WDR37: variants seen among roughly 807,000 people sequenced by gnomAD.
The protein encoded by WDR37 is WD repeat-containing protein 37.
WDR37 carries 19 observed loss-of-function variants against 62.9 expected under a neutral mutation model. The ratio of observed to expected loss-of-function variants is 0.30; its 90% CI spans 0.21 to 0.44. The LOEUF (loss-of-function observed/expected upper bound fraction) is 0.44. WDR37 is among the 20% of genes least tolerant of loss of function. The pLI, the probability that WDR37 is intolerant of heterozygous loss-of-function variation, is 1.00. For synonymous variants in WDR37, 250 were observed against 260.9 expected (o/e 0.96, Z 0.40); for missense variants, 474 against 657.6 (o/e 0.72, Z 3.05).
intron 11 of WDR37, among the ~76,000 whole-genome samples, chr10:1,108,749 C>CCCA (rs1466041154): frequency 7.8e-6 from 1 of 128,042 alleles, no homozygotes; most frequent in Admixed American, 8.1e-5. Flanking sequence ...GCCCCCCCCC[C>CCCA]CCGTGGAACC....
chr10:1,078,636 G>A (rs146382916), intron 3 of WDR37, among the ~76,000 whole-genome samples: 5 of 152,090 alleles, frequency 3.3e-5, no homozygotes, highest in Non-Finnish European at 7.4e-5. Context: ...GGTCCTTTGC[G>A]CTGCTCTATT....
chr10:1,063,600 G>T (rs375998546), intron 1 of WDR37, among the ~76,000 whole-genome samples: 1 of 152,188 alleles, frequency 6.6e-6, no homozygotes, highest in Non-Finnish European at 1.5e-5. Flanking sequence ...CTTCTGCTGG[G>T]TGGTGACAGA....
chr10:1,114,231 A>G (rs1419288344), intron 11 of WDR37, among the ~76,000 whole-genome samples: 5 of 152,224 alleles, frequency 3.3e-5, no homozygotes, highest in African/African-American at 1.2e-4. Flanking sequence ...TGCTGGGATT[A>G]CAGGCGTGAG....
chr10:1,101,212 C>T (rs982616798), intron 9 of WDR37, among the ~76,000 whole-genome samples: 1 of 152,224 alleles, frequency 6.6e-6, no homozygotes, highest in Non-Finnish European at 1.5e-5. Flanking sequence ...CAAAGTGCCA[C>T]AGGCAGGGTG....
At chr10:1,102,590 C>T (rs1054559084) in intron 9 of WDR37, among the ~76,000 whole-genome samples, 25 of 142,210 alleles carry the variant, frequency 1.8e-4, no homozygotes, top group Admixed American at 1.0e-3. Flanking sequence ...AAGGCGGGGG[C>T]GGGGGGTGCC....
At chr10:1,128,547 T>A (rs1470172224) in intron 13 of WDR37, among the ~76,000 whole-genome samples, 2 of 152,286 alleles carry the variant, frequency 1.3e-5, no homozygotes, top group Non-Finnish European at 2.9e-5. Context: ...CCATTATTAC[T>A]GAAGCCAGTT....
intron 1 of WDR37, among the ~76,000 whole-genome samples, chr10:1,068,334 A>T (rs1833616957): frequency 1.2e-5 from 1 of 82,496 alleles, no homozygotes. Context: ...ACAAAAAATT[A>T]GCCGGGCGTG....
intron 1 of WDR37, among the ~76,000 whole-genome samples, chr10:1,059,438 C>A (rs111306159): frequency 1.6e-4 from 25 of 152,100 alleles, no homozygotes; most frequent in African/African-American, 5.8e-4. Flanking sequence ...ATCTGCCTTC[C>A]TCAAATTATA....
intron 11 of WDR37, among the ~76,000 whole-genome samples, chr10:1,108,587 C>T (rs1349387450): frequency 1.3e-5 from 2 of 152,188 alleles, no homozygotes; most frequent in Non-Finnish European, 2.9e-5. Context: ...CTCATTGTTA[C>T]GCTGAGTCCT....
At chr10:1,117,174 C>G (rs1329634234) in intron 11 of WDR37, among the ~76,000 whole-genome samples, 1 of 152,142 alleles carries the variant, frequency 6.6e-6, no homozygotes, top group Non-Finnish European at 1.5e-5. Context: ...CCCACCTCAC[C>G]CTCCTGAGTA....
chr10:1,086,461 T>TA, intron 7 of WDR37, 104 bp downstream of exon 7: 3 of 891,854 alleles, frequency 3.4e-6, no homozygotes. Context: ...TAGGAAGCCT[T>TA]ACTGTTTCGG....
intron 7 of WDR37, among the ~76,000 whole-genome samples, chr10:1,087,688 AT>A (rs1834247265): frequency 6.6e-6 from 1 of 152,006 alleles, no homozygotes. Flanking sequence ...TTGTTGTTCC[AT>A]TTATGGAGGA....
intron 11 of WDR37, among the ~76,000 whole-genome samples, chr10:1,110,297 CTCTT>C (rs1190906524): frequency 2.0e-5 from 3 of 152,190 alleles, no homozygotes; most frequent in South Asian, 2.1e-4. Context: ...TGAACACAAA[CTCTT>C]CCTTCCTGAC....
At chr10:1,119,176 G>A (rs1218884914) in intron 11 of WDR37, among the ~76,000 whole-genome samples, 1 of 152,192 alleles carries the variant, frequency 6.6e-6, no homozygotes, top group Non-Finnish European at 1.5e-5. Flanking sequence ...TGTGAGAAAC[G>A]GTCTCTGTCC....
At chr10:1,089,695 GCCTTCCCGTGCTCACCCGCAATTCAA>G (rs1240488063) in intron 7 of WDR37, among the ~76,000 whole-genome samples, 1 of 50,008 alleles carries the variant, frequency 2.0e-5, no homozygotes, top group Non-Finnish European at 5.7e-5. Flanking sequence ...CCGCAGTTCG[GCCTTCCCGTGCTCACCCGCAATTCAA>G]CCTTCCTGTG....
intron 11 of WDR37, among the ~76,000 whole-genome samples, chr10:1,113,557 A>G (rs972173790): frequency 6.6e-6 from 1 of 152,262 alleles, no homozygotes; most frequent in Admixed American, 6.5e-5. Flanking sequence ...AGGATTTATC[A>G]TTCTGGTCGC....
chr10:1,112,701 A>C (rs541151945), intron 11 of WDR37, among the ~76,000 whole-genome samples: 49 of 152,384 alleles, frequency 3.2e-4, no homozygotes, highest in Non-Finnish European at 6.3e-4. Context: ...AGGAACTTTG[A>C]GTGGTCTGCA....
intron 7 of WDR37, among the ~76,000 whole-genome samples, chr10:1,092,344 C>A (rs951828286): frequency 2.7e-5 from 4 of 150,818 alleles, no homozygotes; most frequent in Non-Finnish European, 4.4e-5. Context: ...ATACAAAAGA[C>A]CGTGTCTCTA....
chr10:1,076,756 G>A (rs989408874), intron 2 of WDR37, among the ~76,000 whole-genome samples: 10 of 151,048 alleles, frequency 6.6e-5, no homozygotes, highest in African/African-American at 1.9e-4. Flanking sequence ...GTCCCATTAA[G>A]TATCAGCCAG....
Sources: allele counts gnomAD v4.1 joint callset (sites outside exome capture counted in the v4.1 genomes callset), GRCh38; gene constraint gnomAD v4.1.1; transcripts MANE v1.5; gene names NCBI Gene and HGNC (gene_info 2026-07-23, HGNC 2026-07-21).